Variants in GBE1 observed in about 807,000 individuals in gnomAD.
GBE1 encodes 1,4-alpha-glucan-branching enzyme.
GBE1 carries 70 observed loss-of-function variants against 88.8 expected under a neutral mutation model. The observed-to-expected ratio is 0.79, with a 90% confidence interval of 0.65 to 0.96. The LOEUF (loss-of-function observed/expected upper bound fraction) is 0.96. Ranked by LOEUF, GBE1 falls within the 40% of genes least tolerant of loss-of-function variation. The probability of loss-of-function intolerance (pLI) is 0.00; values close to 1 mark genes in which losing one functional copy is unlikely to be tolerated. For synonymous variants in GBE1, 284 were observed against 300.1 expected, an observed-to-expected ratio of 0.95 and a Z score of 0.56; for missense variants, 872 against 871.0, an observed-to-expected ratio of 1.00 and a Z score of -0.01.
intron 14 of GBE1, among the ~76,000 whole-genome samples, chr3:81,524,485 C>G: frequency 6.6e-6 from 1 of 151,790 alleles, no homozygotes; most frequent in Non-Finnish European, 1.5e-5. Context: ...AACTTGCTCT[C>G]ATCTCATTTG....
intron 12 of GBE1, among the ~76,000 whole-genome samples, chr3:81,575,134 C>T (rs557289281): frequency 2.0e-5 from 3 of 149,402 alleles, no homozygotes; most frequent in Admixed American, 6.7e-5. Flanking sequence ...CACGGCACTC[C>T]AGCCTGGGCG....
rs1487927279 is a variant in GBE1, at chr3:81,761,522, C to A, written c.-5G>T. ...GGGAGTCATCGGAGCCGCCATATTC[C>A]GCCGCAGTCCAAGTAGCCGAGGCCC... On this transcript the variant is annotated 5_prime_UTR_variant, in exon 1 of 16. Transcript: ENST00000429644. 1.2e-6 allele frequency: 2 copies of A among 1,603,084 alleles called. No homozygotes were observed. Among genetic ancestry groups the A allele is most frequent in the Middle Eastern group, 1.8e-4 (1 of 5,444 alleles).
intron 7 of GBE1, among the ~76,000 whole-genome samples, chr3:81,623,016 G>GA (rs572026892): frequency 1.4e-3 from 214 of 152,210 alleles, no homozygotes; most frequent in African/African-American, 4.8e-3. Flanking sequence ...TTCTAGAACA[G>GA]AAAAAATGAT....
intron 12 of GBE1, among the ~76,000 whole-genome samples, chr3:81,542,099 T>C (rs1703151011): frequency 6.6e-6 from 1 of 152,084 alleles, no homozygotes; most frequent in Non-Finnish European, 1.5e-5. Context: ...TACCTATACA[T>C]ACATTCATAC....
In GBE1 at chr3:81,614,246, C is replaced by A. The variant is rs191390237; in HGVS notation, c.993-20223G>T. On this transcript the variant is annotated intron_variant, in intron 7 of 15. Coordinates refer to ENST00000429644, the MANE Select transcript of GBE1 (RefSeq NM_000158.4). ...GGTCAACAATTTTTAAAATATCTTT[C>A]TCTATAAATTTGGTGTGTGTCCCCT... Among the ~76,000 whole-genome samples, 356 of 152,240 alleles carry A rather than the reference C, an allele frequency of 2.3e-3. 3 individuals are homozygous for A. Among genetic ancestry groups the A allele is most frequent in the African/African-American group, 8.2e-3 (340 of 41,542 alleles).
At chr3:81,610,539 T>C (rs1025407008) in intron 7 of GBE1, among the ~76,000 whole-genome samples, 1 of 152,080 alleles carries the variant, frequency 6.6e-6, no homozygotes, top group African/African-American at 2.4e-5. Flanking sequence ...TTTTGAGAAA[T>C]TGGGGGTGGC....
chr3:81,674,831 A>T (rs1029243716), intron 2 of GBE1, among the ~76,000 whole-genome samples: 2 of 151,978 alleles, frequency 1.3e-5, no homozygotes, highest in African/African-American at 4.8e-5. Context: ...TAATGCAAAG[A>T]GTTTGCATTG....
chr3:81,754,423 C>G (rs143935952), intron 1 of GBE1, among the ~76,000 whole-genome samples: 1 of 150,722 alleles, frequency 6.6e-6, no homozygotes, highest in Non-Finnish European at 1.5e-5. Context: ...TATCAAAACG[C>G]TGATTATCAT....
chr3:81,706,743 T>C lies in GBE1; in HGVS notation c.144-1130A>G, dbSNP rs547908135. 7.2e-5 allele frequency among the ~76,000 whole-genome samples: 11 copies of C among 151,884 alleles called. No individual in the cohort carries two copies. The South Asian group carries it at 2.3e-3, about 32-fold the overall frequency. On this transcript the variant is annotated intron_variant, in intron 1 of 15. Coordinates refer to ENST00000429644, the MANE Select transcript of GBE1 (RefSeq NM_000158.4). ...TCACATTATACAACTTAATTAAAAA[T>C]AAACTCAAAAGAATAAGAGCTGAAA... is the stretch of plus-strand genomic sequence containing the variant.
chr3:81,702,624 C>A (rs1213591789), intron 2 of GBE1, among the ~76,000 whole-genome samples: 1 of 151,862 alleles, frequency 6.6e-6, no homozygotes, highest in Non-Finnish European at 1.5e-5. Context: ...GATTGAGAAT[C>A]ATTAAATGAA....
Position 81,560,195 on chromosome 3 carries a change from TA to T in GBE1, c.1618+17729del, listed in dbSNP as rs995923740. ...TAGGTGAGTATAAAATAAGCTGATC[TA>T]AAAAAAAATTTTTAAGTGCACAGCA... On this transcript the variant is annotated intron_variant, in intron 12 of 15. Coordinates refer to ENST00000429644, the MANE Select transcript of GBE1 (RefSeq NM_000158.4). 9.9e-5 allele frequency among the ~76,000 whole-genome samples: 15 copies of T among 151,634 alleles called. No individual in the cohort carries two copies. In the South Asian group the frequency reaches 2.5e-3, roughly 25 times the overall value.
At chr3:81,688,289 C>T (rs1283735281) in intron 2 of GBE1, among the ~76,000 whole-genome samples, 1 of 152,234 alleles carries the variant, frequency 6.6e-6, no homozygotes, top group Non-Finnish European at 1.5e-5. Context: ...ATACATAGCA[C>T]TTACTAATTT....
chr3:81,743,765 G>A, intron 1 of GBE1: 1 of 559,334 alleles, frequency 1.8e-6, no homozygotes, highest in Non-Finnish European at 3.1e-6. Flanking sequence ...TGCTTTATAG[G>A]ACGGACATGA....
chr3:81,499,955 C>A (rs1033060332), intron 14 of GBE1, among the ~76,000 whole-genome samples: 6 of 152,006 alleles, frequency 3.9e-5, no homozygotes, highest in Admixed American at 3.9e-4. Context: ...TTTCTTCTAG[C>A]CTAAGTAGAA....
At chr3:81,508,264 T>C (rs1257511200) in intron 14 of GBE1, among the ~76,000 whole-genome samples, 3 of 152,108 alleles carry the variant, frequency 2.0e-5, no homozygotes, top group Non-Finnish European at 2.9e-5. Flanking sequence ...TCCTAGAAGA[T>C]TATATAACTT....
chr3:81,669,851 T>C (rs577272721), intron 3 of GBE1, among the ~76,000 whole-genome samples: 114 of 152,186 alleles, frequency 7.5e-4, no homozygotes, highest in Non-Finnish European at 1.4e-3. Flanking sequence ...TGTGTGGCAA[T>C]ATCTTATTAA....
intron 7 of GBE1, among the ~76,000 whole-genome samples, chr3:81,605,302 A>G (rs926316883): frequency 1.3e-5 from 2 of 152,172 alleles, no homozygotes; most frequent in African/African-American, 4.8e-5. Flanking sequence ...TAATATAACC[A>G]AAAACTTTTA....
At chr3:81,626,358 A>T (rs1282324746) in intron 7 of GBE1, among the ~76,000 whole-genome samples, 1 of 152,244 alleles carries the variant, frequency 6.6e-6, no homozygotes, top group Admixed American at 6.5e-5. Flanking sequence ...TTATGCAATG[A>T]AATAGCTCCT....
At chr3:81,736,963 G>A (rs139584417) in intron 1 of GBE1, among the ~76,000 whole-genome samples, 1 of 152,078 alleles carries the variant, frequency 6.6e-6, no homozygotes, top group African/African-American at 2.4e-5. Context: ...AAAGAGGATG[G>A]AGTAGTAGAA....
Sources: gnomAD v4.1 joint callset for allele counts (sites outside exome capture counted in the v4.1 genomes callset) on GRCh38, gnomAD v4.1.1 for gene constraint, MANE v1.5 for transcripts, NCBI Gene and HGNC (gene_info 2026-07-23, HGNC 2026-07-21) for gene names.